MYO5A: variants seen among roughly 807,000 people sequenced by gnomAD.
MYO5A encodes myosin VA.
A neutral mutation model predicts 249.7 loss-of-function variants in MYO5A; 98 were observed. The ratio of observed to expected loss-of-function variants is 0.39; its 90% CI spans 0.33 to 0.46. The LOEUF (loss-of-function observed/expected upper bound fraction) is 0.46. MYO5A is among the 20% of genes least tolerant of loss of function. MYO5A has a pLI of 0.98. For synonymous variants in MYO5A, 778 were observed against 810.6 expected (o/e 0.96, Z 0.68); for missense variants, 1,696 against 2,308.8 (o/e 0.73, Z 5.44).
At chr15:52,407,266 A>G (rs2043047439) in intron 8 of MYO5A, 26 bp downstream of exon 8, 1 of 1,533,436 alleles carries the variant, frequency 6.5e-7, no homozygotes, top group East Asian at 2.2e-5. Flanking sequence ...ATTCCTCTTA[A>G]GAGCTCAAGA....
At chr15:52,335,866 G>A (rs1180785773) in intron 34 of MYO5A, among the ~76,000 whole-genome samples, 1 of 152,110 alleles carries the variant, frequency 6.6e-6, no homozygotes, top group African/African-American at 2.4e-5. Flanking sequence ...AATAATGATA[G>A]TGACTAATAA....
intron 35 of MYO5A, among the ~76,000 whole-genome samples, chr15:52,328,753 A>C (rs28374631): frequency 0.095 from 14,417 of 152,202 alleles, 2,116 homozygotes; most frequent in African/African-American, 0.32. Context: ...TCCTCACCAT[A>C]GCATAGGATC....
chr15:52,523,726 C>T (rs770561701), intron 1 of MYO5A, among the ~76,000 whole-genome samples: 5 of 152,040 alleles, frequency 3.3e-5, no homozygotes, highest in Admixed American at 6.6e-5. Flanking sequence ...ACGGAGGTTT[C>T]CAAGCTGCGG....
chr15:52,384,842 G>T (rs2041909747), intron 14 of MYO5A, among the ~76,000 whole-genome samples: 1 of 152,140 alleles, frequency 6.6e-6, no homozygotes, highest in African/African-American at 2.4e-5. Flanking sequence ...GCAGGAAAGG[G>T]TCATAAACAA....
At chr15:52,385,225 T>C (rs956725077) in intron 14 of MYO5A, among the ~76,000 whole-genome samples, 3 of 152,224 alleles carry the variant, frequency 2.0e-5, no homozygotes, top group Non-Finnish European at 2.9e-5. Context: ...TTAGTCAAGC[T>C]ATATTTGCAA....
chr15:52,367,211 T>C, intron 22 of MYO5A, 87 bp from the exon 23 acceptor site: 1 of 1,137,552 alleles, frequency 8.8e-7, no homozygotes, highest in South Asian at 1.3e-5. Flanking sequence ...CAGTCATTCC[T>C]TACTTCCACC....
In MYO5A at chr15:52,313,463, G is replaced by A; in HGVS notation, c.*233C>T. The A allele has an allele frequency of 1.9e-6, 1 of 533,950 alleles. No individual in the cohort carries two copies. 33.1% of individuals were successfully genotyped at this position (533,950 alleles called of 1,614,324 possible). A position where few individuals can be genotyped will look rare whatever the true frequency, so the allele number is the denominator to read the frequency against. ...TCATTCTCCTGTATGTAAACTCACG[G>A]TACCTAGTTGGTTAAGGATGAGTGT... is the stretch of plus-strand genomic sequence containing the variant. On this transcript the variant is annotated 3_prime_UTR_variant, in exon 42 of 42. Coordinates refer to ENST00000399233, the MANE Select transcript of MYO5A (RefSeq NM_001382347.1).
At chr15:52,492,419 C>T (rs535699995) in intron 1 of MYO5A, among the ~76,000 whole-genome samples, 3 of 152,298 alleles carry the variant, frequency 2.0e-5, no homozygotes, top group Non-Finnish European at 2.9e-5. Flanking sequence ...ATGCTGTCTA[C>T]CAGAGAGGCT....
chr15:52,510,528 G>T (rs2077368469), intron 1 of MYO5A, among the ~76,000 whole-genome samples: 1 of 152,220 alleles, frequency 6.6e-6, no homozygotes, highest in Non-Finnish European at 1.5e-5. Context: ...CACAGCAGGA[G>T]GTGAGTGGTG....
chr15:52,477,511 T>C (rs562147347), intron 1 of MYO5A, among the ~76,000 whole-genome samples: 1 of 152,246 alleles, frequency 6.6e-6, no homozygotes, highest in African/African-American at 2.4e-5. Flanking sequence ...TTTCAGCTTT[T>C]CTGCTCTGAT....
intron 5 of MYO5A, 69 bp from the exon 6 acceptor site, chr15:52,410,545 C>CAG: frequency 6.9e-7 from 1 of 1,443,346 alleles, no homozygotes; most frequent in Non-Finnish European, 9.7e-7. Context: ...AGAATCTGCT[C>CAG]AGAGAGAGAA....
intron 4 of MYO5A, among the ~76,000 whole-genome samples, chr15:52,421,820 G>C (rs995538358): frequency 1.3e-5 from 2 of 152,190 alleles, no homozygotes; most frequent in African/African-American, 2.4e-5. Context: ...GACTCAGGGA[G>C]ACCAGGAGAT....
chr15:52,416,156 G>A lies in MYO5A; in HGVS notation c.601C>T (p.Pro201Ser), dbSNP rs2043473584. 2 of 1,613,840 alleles carry A rather than the reference G, an allele frequency of 1.2e-6. No homozygotes were observed. The highest frequency in any genetic ancestry group is 2.7e-5 in the African/African-American group (2 of 74,886). Residue 201 changes from proline (P) to serine (S), a missense_variant, in exon 5 of 42, where the codon CCC becomes TCC. Around this residue, in one of 5 missense-constraint regions of MYO5A, gnomAD observed 197 missense variants for 320.3 expected, o/e 0.62. Transcript: ENST00000399233. ...NVEEKVLASN[P>S]IMESIGNAKT... ...ACTCGCTGTCTTACCTCCATGATGG[G>A]GTTGGAGGCCAAGACCTTTTCCTCC...
chr15:52,504,285 T>A (rs1478069476), intron 1 of MYO5A, among the ~76,000 whole-genome samples: 1 of 152,144 alleles, frequency 6.6e-6, no homozygotes, highest in African/African-American at 2.4e-5. Context: ...CTTGCCTCTG[T>A]CATGTTCAGG....
At chr15:52,438,834 C>T (rs1012088500) in intron 1 of MYO5A, among the ~76,000 whole-genome samples, 1 of 152,222 alleles carries the variant, frequency 6.6e-6, no homozygotes, top group Non-Finnish European at 1.5e-5. Flanking sequence ...GTGTTTGTTA[C>T]GGCTCGAGCT....
chr15:52,377,794 C>T (rs1048706569), intron 18 of MYO5A, among the ~76,000 whole-genome samples: 5 of 152,046 alleles, frequency 3.3e-5, no homozygotes, highest in Admixed American at 2.0e-4. Context: ...TGGCCTCAAA[C>T]GCTGGGCCTC....
At chr15:52,333,129 TC>T (rs1822744392) in intron 34 of MYO5A, among the ~76,000 whole-genome samples, 1 of 152,176 alleles carries the variant, frequency 6.6e-6, no homozygotes, top group Non-Finnish European at 1.5e-5. Context: ...TCTTGACCCT[TC>T]AGAACTGTGA....
At chr15:52,437,493 G>A (rs965772080) in intron 1 of MYO5A, among the ~76,000 whole-genome samples, 7 of 151,510 alleles carry the variant, frequency 4.6e-5, no homozygotes, top group Non-Finnish European at 1.5e-5. Context: ...TACTCAGGAG[G>A]CTGAGGTGGG....
chr15:52,463,029 A>T (rs75585325), intron 1 of MYO5A, among the ~76,000 whole-genome samples: 6,600 of 152,228 alleles, frequency 0.043, 478 homozygotes, highest in African/African-American at 0.15. Context: ...AGAGAAACTG[A>T]CAGGACAATG....
Sources: gnomAD v4.1 joint callset for allele counts (sites outside exome capture counted in the v4.1 genomes callset) on GRCh38, gnomAD v4.1.1 for gene constraint, gnomAD v4.1.1 regional missense constraint, MANE v1.5 for transcripts, NCBI Gene and HGNC (gene_info 2026-07-23, HGNC 2026-07-21) for gene names.